Variants in NFU1 observed in about 807,000 individuals in gnomAD.
NFU1 encodes NFU1 iron-sulfur cluster scaffold homolog, mitochondrial.
NFU1 carries 30 observed loss-of-function variants against 32.2 expected under a neutral mutation model. The observed-to-expected ratio is 0.93, with a 90% CI of 0.70 to 1.26. NFU1 has a LOEUF of 1.26. Among genes scored for constraint, NFU1 ranks in the 50% most tolerant of loss-of-function variants. The probability of loss-of-function intolerance (pLI) is 0.00; values close to 1 mark genes in which losing one functional copy is unlikely to be tolerated. For missense variants in NFU1, 306 were observed against 306.6 expected, an observed-to-expected ratio of 1.00 and a Z score of 0.02; for synonymous variants, 112 against 104.6, an observed-to-expected ratio of 1.07 and a Z score of -0.43.
At chr2:69,406,388 A>G (rs1269057577) in intron 5 of NFU1, among the ~76,000 whole-genome samples, 1 of 151,916 alleles carries the variant, frequency 6.6e-6, no homozygotes, top group Non-Finnish European at 1.5e-5. Context: ...ATATGCAGAC[A>G]TTCTCTGTTC....
rs964158286 is a variant in NFU1, at chr2:69,402,148, G to C, written c.546-1610C>G. The stretch of plus-strand genomic sequence containing the variant: ...GACCTCAGGTGATCCGCTCACCTCA[G>C]CCTCCCAAAGTGCCGGGATTATGGG... On this transcript the variant is annotated intron_variant, in intron 6 of 7. Coordinates refer to ENST00000410022, the MANE Select transcript of NFU1 (RefSeq NM_001002755.4). Among the ~76,000 whole-genome samples, 69 of 152,182 alleles carry C rather than the reference G, an allele frequency of 4.5e-4. 1 individual carries two copies. The highest frequency in any genetic ancestry group is 9.6e-4 in the Non-Finnish European group (65 of 68,034).
intron 1 of NFU1, among the ~76,000 whole-genome samples, chr2:69,436,146 T>C (rs2104824653): frequency 6.6e-6 from 1 of 152,338 alleles, no homozygotes; most frequent in East Asian, 1.9e-4. Context: ...GGAGAAACTA[T>C]CTTCATTTCT....
At chr2:69,411,306 C>A (rs1672869108) in intron 5 of NFU1, among the ~76,000 whole-genome samples, 2 of 152,222 alleles carry the variant, frequency 1.3e-5, no homozygotes, top group East Asian at 3.9e-4. Flanking sequence ...ACTTCATCAA[C>A]AACAAATACA....
chr2:69,408,080 A>G (rs1672758433), intron 5 of NFU1, among the ~76,000 whole-genome samples: 1 of 152,122 alleles, frequency 6.6e-6, no homozygotes, highest in South Asian at 2.1e-4. Flanking sequence ...CACAAAAGCT[A>G]AAACTGTCTT....
At chr2:69,410,703 T>C (rs1249401852) in intron 5 of NFU1, 2 of 152,180 alleles carry the variant, frequency 1.3e-5, no homozygotes, top group East Asian at 3.8e-4. Flanking sequence ...TAACAAAACC[T>C]ATATAGTACC....
intron 1 of NFU1, 42 bp downstream of exon 1, chr2:69,437,319 C>T: frequency 6.3e-7 from 1 of 1,586,572 alleles, no homozygotes. Context: ...GCTGGCTAAG[C>T]CCAGCGGCAC....
upstream of NFU1, among the ~76,000 whole-genome samples, chr2:69,439,447 C>T (rs1335861047): frequency 1.3e-5 from 2 of 152,142 alleles, no homozygotes; most frequent in Non-Finnish European, 2.9e-5. Flanking sequence ...CAGACCTTTG[C>T]GATGGGTGTT....
intron 3 of NFU1, among the ~76,000 whole-genome samples, chr2:69,421,068 G>C (rs1248029595): frequency 6.6e-6 from 1 of 152,042 alleles, no homozygotes; most frequent in African/African-American, 2.4e-5. Context: ...GCCAGGTGAG[G>C]TGGCATGTGC....
chr2:69,432,129 T>C lies in NFU1; in HGVS notation c.63-124A>G, dbSNP rs146579508. The C allele has an allele frequency of 1.1e-3, 775 of 679,096 alleles. 4 individuals carry two copies. In the African/African-American group the frequency reaches 0.013, roughly 11 times the overall value. The allele number at this position is 679,096 out of a possible 1,614,324, so 42.1% of individuals were successfully genotyped here. On this transcript the variant is annotated intron_variant, in intron 1 of 7. Transcript: ENST00000410022. ...AAACATAACCCGCAATAGAAATAAT[T>C]AGAGAACTGACTTTTCATCTTCCAT...
At chr2:69,410,266 G>A (rs1672835072) in intron 5 of NFU1, among the ~76,000 whole-genome samples, 1 of 152,088 alleles carries the variant, frequency 6.6e-6, no homozygotes, top group South Asian at 2.1e-4. Context: ...TTTGGCGCCT[G>A]TAATCCCAGC....
chr2:69,408,734 TTATATATATATA>T lies in NFU1; in HGVS notation c.485-2664_485-2653del, dbSNP rs70954344. 8.9e-3 allele frequency among the ~76,000 whole-genome samples: 1,211 copies of T among 136,408 alleles called. 11 individuals are homozygous for T. The highest frequency in any genetic ancestry group is 0.021 in the African/African-American group (816 of 38,960). The allele number at this position is 136,408 out of a possible 152,430, so 89.5% of individuals were successfully genotyped here. ...CACCGTCTCAAAAAAATATAAAATTTTATATATATATATATATATATATATATATATATATAC... is the reference window on the plus strand; with the variant it reads ...CACCGTCTCAAAAAAATATAAAATTTTATATATATATATATATATATATAC... On this transcript the variant is annotated intron_variant, in intron 5 of 7. Coordinates refer to ENST00000410022, the MANE Select transcript of NFU1 (RefSeq NM_001002755.4).
At chr2:69,398,494 A>G (rs371329733) in intron 7 of NFU1, among the ~76,000 whole-genome samples, 4 of 152,330 alleles carry the variant, frequency 2.6e-5, no homozygotes, top group African/African-American at 9.6e-5. Context: ...TTCTGCCTTT[A>G]GGTCAAAATA....
intron 2 of NFU1, chr2:69,429,984 A>G: frequency 3.1e-6 from 1 of 325,274 alleles, no homozygotes; most frequent in East Asian, 1.3e-4. Context: ...AGCCAAGATC[A>G]CATCACTGCA....
upstream of NFU1, chr2:69,437,447 T>C: frequency 6.2e-7 from 1 of 1,607,854 alleles, no homozygotes; most frequent in East Asian, 2.2e-5. Flanking sequence ...CCTAAGGGTC[T>C]CCCTGACAGA....
Position 69,400,400 on chromosome 2 carries a change from C to CA in NFU1, c.683dup (p.Gln229AlafsTer16). On this transcript the variant is annotated frameshift_variant, in exon 7 of 8. Transcript: ENST00000410022. LOFTEE classifies it high-confidence loss of function. ...CTTCTACCTCCGGAATATAAAACTG[C>CA]AGCATGTTCTGAATTCCATTTTTCA... 1 of 1,614,128 alleles carries CA rather than the reference C, an allele frequency of 6.2e-7. No individual in the cohort carries two copies. Among genetic ancestry groups the CA allele is most frequent in the Admixed American group, 1.7e-5 (1 of 60,024 alleles).
At chr2:69,402,957 T>A (rs1465213344) in intron 6 of NFU1, among the ~76,000 whole-genome samples, 1 of 93,636 alleles carries the variant, frequency 1.1e-5, no homozygotes, top group Non-Finnish European at 2.0e-5. Flanking sequence ...AATATTCTAT[T>A]TCTTTCCTTT....
intron 6 of NFU1, among the ~76,000 whole-genome samples, chr2:69,404,046 G>A (rs1672612869): frequency 6.7e-6 from 1 of 149,996 alleles, no homozygotes; most frequent in Admixed American, 6.6e-5. Context: ...CACTGTGTTA[G>A]CCAGGATGGT....
At chr2:69,432,095 G>A in intron 1 of NFU1, 90 bp from the exon 2 acceptor site, 5 of 819,638 alleles carry the variant, frequency 6.1e-6, no homozygotes, top group Non-Finnish European at 1.0e-5. Context: ...AAAGACCTAT[G>A]TAAAATTTAA....
intron 2 of NFU1, among the ~76,000 whole-genome samples, chr2:69,431,128 T>C (rs184238223): frequency 2.0e-5 from 3 of 152,292 alleles, no homozygotes; most frequent in Admixed American, 6.5e-5. Flanking sequence ...CCATAGTAAT[T>C]AATTTTGACA....
Sources: allele counts gnomAD v4.1 joint callset (sites outside exome capture counted in the v4.1 genomes callset), GRCh38; gene constraint gnomAD v4.1.1; transcripts MANE v1.5; gene names NCBI Gene and HGNC (gene_info 2026-07-23, HGNC 2026-07-21).